The following DLC1 variants were observed in gnomAD, a reference collection of about 807,000 sequenced individuals.
DLC1 encodes the protein DLC1 Rho GTPase activating protein.
In DLC1, 54 loss-of-function variants were observed where a neutral mutation model predicts 140.3. That is an observed-to-expected ratio of 0.38 (90% CI 0.31 to 0.48). The LOEUF is 0.48. Ranked by LOEUF, DLC1 falls within the 20% of genes least tolerant of loss-of-function variation. DLC1 has a pLI of 0.96. For synonymous variants in DLC1, 986 were observed against 728.1 expected (o/e 1.35, Z -5.70); for missense variants, 2,536 against 1,907.0 (o/e 1.33, Z -6.14).
At chr8:13,359,165 T>C (rs973495220) in intron 4 of DLC1, among the ~76,000 whole-genome samples, 13 of 152,190 alleles carry the variant, frequency 8.5e-5, no homozygotes, top group Non-Finnish European at 1.5e-4. Flanking sequence ...GGTCTCGATC[T>C]CCTGACCTCG....
At chr8:13,338,718 C>A (rs1833907982) in intron 4 of DLC1, 1 of 152,242 alleles carries the variant, frequency 6.6e-6, no homozygotes, top group African/African-American at 2.4e-5. Flanking sequence ...TCACCTCATC[C>A]CAAAAACCAG....
chr8:13,156,912 C>G (rs924391447), intron 5 of DLC1, among the ~76,000 whole-genome samples: 2 of 152,170 alleles, frequency 1.3e-5, no homozygotes, highest in African/African-American at 4.8e-5. Flanking sequence ...TAGCCACTGT[C>G]TATTGCCTTT....
At chr8:13,404,946 G>T (rs1168679996) in intron 2 of DLC1, among the ~76,000 whole-genome samples, 4 of 152,086 alleles carry the variant, frequency 2.6e-5, no homozygotes, top group African/African-American at 9.7e-5. Flanking sequence ...GGCAGAGGCA[G>T]CAGTGAGCCA....
chr8:13,191,955 T>TTATTAG (rs1826781500), intron 5 of DLC1, among the ~76,000 whole-genome samples: 1 of 150,054 alleles, frequency 6.7e-6, no homozygotes, highest in Non-Finnish European at 1.5e-5. Flanking sequence ...ATTATTATTA[T>TTATTAG]TATTTTTATG....
At chr8:13,260,612 G>A (rs535678581) in intron 5 of DLC1, among the ~76,000 whole-genome samples, 1 of 152,118 alleles carries the variant, frequency 6.6e-6, no homozygotes, top group Non-Finnish European at 1.5e-5. Flanking sequence ...GTGAGGATAG[G>A]ACAAGATAGG....
chr8:13,421,686 A>G (rs1001325682), intron 2 of DLC1, among the ~76,000 whole-genome samples: 2 of 152,160 alleles, frequency 1.3e-5, no homozygotes, highest in African/African-American at 2.4e-5. Flanking sequence ...AATTTGAAAA[A>G]TAGCCTTTTG....
intron 12 of DLC1, 81 bp from the exon 13 acceptor site, chr8:13,092,906 G>T: frequency 6.9e-7 from 1 of 1,447,080 alleles, no homozygotes. Context: ...GCAAATATCG[G>T]CATCAAATAC....
intron 4 of DLC1, among the ~76,000 whole-genome samples, chr8:13,332,049 T>G (rs879361095): frequency 1.3e-5 from 2 of 152,188 alleles, no homozygotes; most frequent in Admixed American, 1.3e-4. Flanking sequence ...AACTGATAAA[T>G]TAGCTTCAGC....
chr8:13,510,767 G>C (rs1471249735), intron 1 of DLC1, among the ~76,000 whole-genome samples: 3 of 152,056 alleles, frequency 2.0e-5, no homozygotes, highest in African/African-American at 7.2e-5. Context: ...ACCATTTCTG[G>C]ATGCCTATGC....
At chr8:13,396,847 C>T (rs902578558) in intron 3 of DLC1, among the ~76,000 whole-genome samples, 4 of 152,178 alleles carry the variant, frequency 2.6e-5, no homozygotes, top group Non-Finnish European at 4.4e-5. Flanking sequence ...TCCGCTCCCT[C>T]CTTTAATTTT....
intron 1 of DLC1, among the ~76,000 whole-genome samples, chr8:13,566,060 C>T (rs367987186): frequency 7.9e-5 from 12 of 152,266 alleles, no homozygotes; most frequent in African/African-American, 2.2e-4. Context: ...TGCTATGTGT[C>T]TGCTGATTGC....
At position 13,526,411 on chromosome 8, in the gene DLC1, A is replaced by G. The variant is rs555411049; in HGVS notation, c.-125-26215T>C. Among the ~76,000 whole-genome samples the G allele has an allele frequency of 3.0e-4, 46 of 152,296 alleles. 1 individual carries two copies. In the East Asian group the frequency reaches 8.3e-3, roughly 27 times the overall value. On this transcript the variant is annotated intron_variant, in intron 1 of 1. Transcript: ENST00000631382. ...CAATTGCAGGAAAACTGACATCTTGATAATATTGAGTCTTCTATTCCATGA... is the reference window on the plus strand; with the variant it reads ...CAATTGCAGGAAAACTGACATCTTGGTAATATTGAGTCTTCTATTCCATGA...
chr8:13,462,771 A>T (rs900310671), intron 2 of DLC1, among the ~76,000 whole-genome samples: 4 of 152,160 alleles, frequency 2.6e-5, no homozygotes, highest in African/African-American at 9.7e-5. Flanking sequence ...TCTAAGTTAA[A>T]CAGCTTTTGG....
At chr8:13,568,002 AG>A in intron 1 of DLC1, 3 of 1,471,354 alleles carry the variant, frequency 2.0e-6, no homozygotes, top group Non-Finnish European at 2.7e-6. Context: ...TAATTTCTAC[AG>A]GCACTTGGGA....
At chr8:13,442,876 A>G (rs1280788649) in intron 2 of DLC1, among the ~76,000 whole-genome samples, 2 of 152,212 alleles carry the variant, frequency 1.3e-5, no homozygotes, top group Admixed American at 6.5e-5. Flanking sequence ...AGGATTATAA[A>G]TCATGCTGCT....
chr8:13,521,211 T>A (rs1345324802), intron 1 of DLC1, among the ~76,000 whole-genome samples: 2 of 151,736 alleles, frequency 1.3e-5, no homozygotes, highest in African/African-American at 4.8e-5. Flanking sequence ...TGAAAGAACA[T>A]GGACACAGGG....
At chr8:13,321,191 T>C (rs1393997509) in intron 4 of DLC1, among the ~76,000 whole-genome samples, 1 of 152,196 alleles carries the variant, frequency 6.6e-6, no homozygotes, top group African/African-American at 2.4e-5. Flanking sequence ...TATTCACCTA[T>C]GTGCTAAACA....
At chr8:13,454,846 C>T (rs1023421675) in intron 2 of DLC1, among the ~76,000 whole-genome samples, 3 of 152,140 alleles carry the variant, frequency 2.0e-5, no homozygotes, top group Admixed American at 6.5e-5. Flanking sequence ...AGCCATTGTG[C>T]CTGGCCAAGA....
chr8:13,468,349 C>T (rs538231296), intron 2 of DLC1, among the ~76,000 whole-genome samples: 9 of 115,164 alleles, frequency 7.8e-5, no homozygotes, highest in Admixed American at 9.4e-5. Context: ...TTCCCCTCCC[C>T]TCCCCTCCCC....
Sources: allele counts gnomAD v4.1 joint callset (sites outside exome capture counted in the v4.1 genomes callset), GRCh38; gene constraint gnomAD v4.1.1; transcripts MANE v1.5; gene names NCBI Gene and HGNC (gene_info 2026-07-23, HGNC 2026-07-21).